LMOD1: variants seen among roughly 807,000 people sequenced by gnomAD.
LMOD1 encodes the protein leiomodin-1.
A neutral mutation model predicts 36.5 loss-of-function variants in LMOD1; 8 were observed. The observed-to-expected ratio is 0.22, with a 90% CI of 0.13 to 0.40. The LOEUF (loss-of-function observed/expected upper bound fraction) is 0.40. LMOD1 is among the 10% of genes least tolerant of loss of function. The probability of loss-of-function intolerance (pLI) is 1.00; values close to 1 mark genes in which losing one functional copy is unlikely to be tolerated. For synonymous variants in LMOD1, 284 were observed against 288.7 expected (o/e 0.98, Z 0.17); for missense variants, 630 against 751.1 (o/e 0.84, Z 1.88).
intron 1 of LMOD1, among the ~76,000 whole-genome samples, chr1:201,905,195 T>C (rs911219712): frequency 2.0e-5 from 3 of 152,166 alleles, no homozygotes; most frequent in African/African-American, 4.8e-5. Context: ...GAGTCCCTGG[T>C]TGGAGGCAGG....
intron 1 of LMOD1, among the ~76,000 whole-genome samples, chr1:201,907,834 C>A (rs574561401): frequency 6.6e-6 from 1 of 152,260 alleles, no homozygotes; most frequent in South Asian, 2.1e-4. Context: ...ATTCACGGCC[C>A]CATTCACCAA....
In LMOD1 at chr1:201,900,114, G is replaced by T. The variant is rs371488103; in HGVS notation, c.899C>A (p.Thr300Asn). The T allele has an allele frequency of 3.0e-5, 48 of 1,613,822 alleles. No homozygotes were observed. The highest frequency in any genetic ancestry group is 3.7e-5 in the Non-Finnish European group (44 of 1,179,874). ...TPEKQTPSGP[T>N]KPSEGPAKVE... Reference sequence around the variant, plus strand: ...CTTGGCCGGTCCTTCAGAGGGCTTGGTGGGGCCACTGGGCGTCTGTTTCTC... The same window carrying T: ...CTTGGCCGGTCCTTCAGAGGGCTTGTTGGGGCCACTGGGCGTCTGTTTCTC... The change falls in exon 2 of 3, where the codon ACC (threonine) becomes AAC (asparagine). Residue 300 changes from threonine (T) to asparagine (N), a missense_variant. Thr to Asn is a moderately conservative substitution (Grantham distance 65). Transcript: ENST00000367288.
intron 1 of LMOD1, among the ~76,000 whole-genome samples, chr1:201,902,644 A>C (rs1017245498): frequency 1.3e-5 from 2 of 151,982 alleles, no homozygotes; most frequent in African/African-American, 4.8e-5. Context: ...ACAGGGTTTC[A>C]CCATGTTGGT....
intron 1 of LMOD1, among the ~76,000 whole-genome samples, chr1:201,901,500 C>A (rs1455251416): frequency 1.1e-5 from 1 of 89,044 alleles, no homozygotes; most frequent in East Asian, 2.5e-4. Context: ...GAAACTCTGT[C>A]TCAAAAAAAA....
At chr1:201,939,001 CAT>C (rs1357672335) in intron 1 of LMOD1, among the ~76,000 whole-genome samples, 1 of 152,188 alleles carries the variant, frequency 6.6e-6, no homozygotes, top group African/African-American at 2.4e-5. Flanking sequence ...GAGCCTGTGA[CAT>C]AAAATAAATT....
At chr1:201,920,623 G>A (rs1291583420) in intron 1 of LMOD1, among the ~76,000 whole-genome samples, 1 of 152,182 alleles carries the variant, frequency 6.6e-6, no homozygotes, top group East Asian at 1.9e-4. Flanking sequence ...CTGGAAGGGA[G>A]AAAGAAAAGC....
At chr1:201,910,419 G>C (rs958454867) in intron 1 of LMOD1, among the ~76,000 whole-genome samples, 1 of 152,006 alleles carries the variant, frequency 6.6e-6, no homozygotes, top group Non-Finnish European at 1.5e-5. Flanking sequence ...GACTACAAGC[G>C]TGCATGACAA....
intron 1 of LMOD1, among the ~76,000 whole-genome samples, chr1:201,940,183 C>CTTTTTTTT (rs34390949): frequency 3.2e-5 from 4 of 123,416 alleles, no homozygotes; most frequent in African/African-American, 9.0e-5. Context: ...CAGCCAAGCT[C>CTTTTTTTT]TTTTTTTTTT....
chr1:201,930,657 T>G (rs963602907), intron 1 of LMOD1, among the ~76,000 whole-genome samples: 1 of 152,040 alleles, frequency 6.6e-6, no homozygotes, highest in Non-Finnish European at 1.5e-5. Flanking sequence ...AAAATAGAGA[T>G]CTAGGCCAGA....
Position 201,918,084 on chromosome 1 carries a change from G to C in LMOD1, c.262-17333C>G, listed in dbSNP as rs562671418. Among the ~76,000 whole-genome samples the C allele has an allele frequency of 4.6e-5, 7 of 152,310 alleles. No homozygotes were observed. In the South Asian group the frequency reaches 1.5e-3, roughly 32 times the overall value. On this transcript the variant is annotated intron_variant, in intron 1 of 2. Coordinates refer to ENST00000367288, the MANE Select transcript of LMOD1 (RefSeq NM_012134.3). The stretch of plus-strand genomic sequence containing the variant: ...TGCGCTAAGCCCTGCAAATTCTGTA[G>C]CCAGTCCTAGGCCTAAGAGGCCAGG...
intron 1 of LMOD1, among the ~76,000 whole-genome samples, chr1:201,925,681 C>T (rs34118776): frequency 0.47 from 68,209 of 144,870 alleles, 16,281 homozygotes; most frequent in East Asian, 0.81. Context: ...TTTTTTTTTT[C>T]AATCTCTTTC....
chr1:201,928,811 G>A (rs529903021), intron 1 of LMOD1, among the ~76,000 whole-genome samples: 1 of 152,018 alleles, frequency 6.6e-6, no homozygotes. Flanking sequence ...TGCCTCCCGG[G>A]TTCAAACAAT....
chr1:201,898,978 A>G (rs1405770695), intron 2 of LMOD1, among the ~76,000 whole-genome samples: 1 of 152,214 alleles, frequency 6.6e-6, no homozygotes, highest in Non-Finnish European at 1.5e-5. Flanking sequence ...TTGCAGAATG[A>G]AAGAGAAGCA....
At chr1:201,904,022 G>A (rs1681371111) in intron 1 of LMOD1, among the ~76,000 whole-genome samples, 1 of 152,088 alleles carries the variant, frequency 6.6e-6, no homozygotes, top group Non-Finnish European at 1.5e-5. Context: ...CCCATCAGGG[G>A]CCAAAGCAGC....
intron 1 of LMOD1, among the ~76,000 whole-genome samples, chr1:201,910,276 T>A (rs1185839372): frequency 3.6e-5 from 1 of 27,786 alleles, no homozygotes; most frequent in African/African-American, 9.6e-5. Context: ...CTATACGCAT[T>A]TTTTTTTTTT....
chr1:201,942,709 G>A (rs931946620), intron 1 of LMOD1, among the ~76,000 whole-genome samples: 2 of 148,598 alleles, frequency 1.3e-5, no homozygotes, highest in East Asian at 2.0e-4. Flanking sequence ...GAAAATTTTC[G>A]AACATACATA....
intron 1 of LMOD1, among the ~76,000 whole-genome samples, chr1:201,912,521 C>A (rs1314172775): frequency 6.6e-6 from 1 of 152,166 alleles, no homozygotes; most frequent in Non-Finnish European, 1.5e-5. Flanking sequence ...AGTATGATGC[C>A]TTGGCACATA....
chr1:201,902,118 C>T (rs1446401423), intron 1 of LMOD1, among the ~76,000 whole-genome samples: 1 of 151,492 alleles, frequency 6.6e-6, no homozygotes, highest in Admixed American at 6.6e-5. Context: ...ATTCTATCTA[C>T]CATCATCATC....
At chr1:201,924,087 C>A (rs192332713) in intron 1 of LMOD1, among the ~76,000 whole-genome samples, 2 of 150,984 alleles carry the variant, frequency 1.3e-5, no homozygotes, top group African/African-American at 2.4e-5. Context: ...GAGGCCGAGG[C>A]GGGCAGATCA....
Sources: allele counts gnomAD v4.1 joint callset (sites outside exome capture counted in the v4.1 genomes callset), GRCh38; gene constraint gnomAD v4.1.1; transcripts MANE v1.5; gene names NCBI Gene and HGNC (gene_info 2026-07-23, HGNC 2026-07-21).